The following DPP10 variants were observed in gnomAD, a reference collection of about 807,000 sequenced individuals.
The protein encoded by DPP10 is dipeptidyl peptidase like 10.
Under a neutral mutation model 120.9 loss-of-function variants are expected in DPP10, and 33 were observed. The observed-to-expected ratio is 0.27, with a 90% CI of 0.21 to 0.37. DPP10 has a LOEUF of 0.37. Ranked by LOEUF, DPP10 falls within the 10% of genes least tolerant of loss-of-function variation. DPP10 has a pLI of 1.00. For synonymous variants in DPP10, 337 were observed against 326.1 expected (o/e 1.03, Z -0.36); for missense variants, 816 against 942.8 (o/e 0.87, Z 1.76).
At chr2:115,283,629 T>G (rs2105888100) in intron 1 of DPP10, among the ~76,000 whole-genome samples, 1 of 152,144 alleles carries the variant, frequency 6.6e-6, no homozygotes, top group South Asian at 2.1e-4. Context: ...GTCTGAAAGG[T>G]ATTATTACCA....
intron 1 of DPP10, among the ~76,000 whole-genome samples, chr2:114,702,179 A>T (rs1180314690): frequency 1.3e-5 from 2 of 152,098 alleles, no homozygotes; most frequent in African/African-American, 2.4e-5. Context: ...TCAGAATTTG[A>T]CCTAATTTGT....
intron 1 of DPP10, among the ~76,000 whole-genome samples, chr2:114,450,013 A>AAAAAAATGCAGT (rs1678169901): frequency 6.6e-6 from 1 of 152,108 alleles, no homozygotes; most frequent in African/African-American, 2.4e-5. Flanking sequence ...TTAATTCAGT[A>AAAAAAATGCAGT]AAAAAATGCA....
intron 1 of DPP10, among the ~76,000 whole-genome samples, chr2:114,797,036 G>C (rs944247359): frequency 2.0e-4 from 30 of 152,140 alleles, no homozygotes; most frequent in Non-Finnish European, 3.8e-4. Context: ...GAGGATAAAA[G>C]AGAATGAGAA....
rs180977225 is a variant in DPP10, at chr2:114,711,966, A to C, written c.60+269128A>C. On this transcript the variant is annotated intron_variant, in intron 1 of 25. Transcript: ENST00000410059. ...ATGTAGAATAGAAAGTCAAATTATA[A>C]TAATTATCATCATCAAATATTTATC... is the stretch of plus-strand genomic sequence containing the variant. 3.5e-3 allele frequency among the ~76,000 whole-genome samples: 540 copies of C among 152,120 alleles called. 2 individuals are homozygous for C. Among genetic ancestry groups the C allele is most frequent in the Middle Eastern group, 6.8e-3 (2 of 294 alleles).
rs749834022 is a variant in DPP10 at position 115,343,878 on chromosome 2, T to C, written c.237T>C (p.Phe79=). 1 of 1,612,372 alleles carries C rather than the reference T, an allele frequency of 6.2e-7. No individual in the cohort carries two copies. The highest frequency in any genetic ancestry group is 1.3e-5 in the African/African-American group (1 of 74,832). Residue 79 remains phenylalanine, a synonymous_variant, in exon 3 of 26, where the codon TTT becomes TTC. Transcript: ENST00000410059. ...TGGAAGACCTCTTTAGGAAAGACTT[T>C]GTGCTTCACGATCCAGAGGCTCGGT... The part of the protein sequence containing the change: ...LSLEDLFRKD[F]VLHDPEARWI...
At chr2:115,817,889 C>T (rs1188198850) in intron 21 of DPP10, among the ~76,000 whole-genome samples, 1 of 150,384 alleles carries the variant, frequency 6.6e-6, no homozygotes, top group Non-Finnish European at 1.5e-5. Context: ...TGGTTGAGTT[C>T]ATGAAAAAAA....
intron 1 of DPP10, among the ~76,000 whole-genome samples, chr2:114,835,760 C>T (rs1350430012): frequency 1.3e-5 from 2 of 151,962 alleles, no homozygotes; most frequent in Non-Finnish European, 2.9e-5. Flanking sequence ...TGTCATGTGC[C>T]CAGTAAGTTA....
At chr2:115,791,646 G>T (rs1465494256) in intron 19 of DPP10, among the ~76,000 whole-genome samples, 2 of 152,170 alleles carry the variant, frequency 1.3e-5, no homozygotes, top group East Asian at 3.9e-4. Context: ...CTCAAGCCCT[G>T]CGCTCTTTAT....
At chr2:115,400,640 C>A (rs968392048) in intron 3 of DPP10, among the ~76,000 whole-genome samples, 6 of 152,102 alleles carry the variant, frequency 3.9e-5, no homozygotes, top group African/African-American at 7.2e-5. Flanking sequence ...GTATGTTGAA[C>A]CCTAGTAACT....
At chr2:115,047,196 G>T (rs894040170) in intron 1 of DPP10, among the ~76,000 whole-genome samples, 8 of 152,006 alleles carry the variant, frequency 5.3e-5, no homozygotes, top group African/African-American at 1.9e-4. Context: ...GAAATACGCT[G>T]AATAAATAGA....
At chr2:115,135,996 G>T (rs976773555) in intron 1 of DPP10, among the ~76,000 whole-genome samples, 1 of 152,076 alleles carries the variant, frequency 6.6e-6, no homozygotes, top group Non-Finnish European at 1.5e-5. Context: ...CTTCTGCCAG[G>T]AGAGTTTTTT....
chr2:115,432,379 T>C (rs1003527991), intron 3 of DPP10, among the ~76,000 whole-genome samples: 2 of 152,180 alleles, frequency 1.3e-5, no homozygotes, highest in Non-Finnish European at 1.5e-5. Flanking sequence ...TATTCATGAA[T>C]AGAAAGAGTT....
chr2:114,974,600 G>T (rs1264560305), intron 1 of DPP10, among the ~76,000 whole-genome samples: 1 of 151,770 alleles, frequency 6.6e-6, no homozygotes, highest in Non-Finnish European at 1.5e-5. Flanking sequence ...GTAGAGATGG[G>T]GTTTCCCTAT....
rs139744305 is a variant in DPP10 at position 115,200,988 on chromosome 2, A to G, written c.61-108251A>G. Among the ~76,000 whole-genome samples the G allele has an allele frequency of 6.6e-5, 10 of 152,334 alleles. No homozygotes were observed. In the East Asian group the frequency reaches 1.7e-3, roughly 26 times the overall value. On this transcript the variant is annotated intron_variant, in intron 1 of 25. Transcript: ENST00000410059. Reference sequence around the variant, plus strand: ...GGAAATGGATATTTGGAAACAAGAGAGACTTCCATGTTCCTCAATTCATAG... The same window carrying G: ...GGAAATGGATATTTGGAAACAAGAGGGACTTCCATGTTCCTCAATTCATAG...
In DPP10 at chr2:115,221,798, C is replaced by G. The variant is rs549660606; in HGVS notation, c.61-87441C>G. On this transcript the variant is annotated intron_variant, in intron 1 of 25. Transcript: ENST00000410059. ...TTTTTTTCTATGAGCTAAGAGAAAACCATGGTCTATAAGATATTTCTGGAA... is the reference window on the plus strand; with the variant it reads ...TTTTTTTCTATGAGCTAAGAGAAAAGCATGGTCTATAAGATATTTCTGGAA... 1.2e-3 allele frequency among the ~76,000 whole-genome samples: 161 copies of G among 129,620 alleles called. 1 individual carries two copies. Among genetic ancestry groups the G allele is most frequent in the Non-Finnish European group, 2.0e-3 (126 of 63,602 alleles). 85.0% of individuals were successfully genotyped at this position (129,620 alleles called of 152,430 possible).
chr2:115,411,287 G>T (rs565221745), intron 3 of DPP10, among the ~76,000 whole-genome samples: 1 of 152,126 alleles, frequency 6.6e-6, no homozygotes, highest in Non-Finnish European at 1.5e-5. Context: ...AGCCGAGATT[G>T]CTCCACTGCA....
intron 1 of DPP10, among the ~76,000 whole-genome samples, chr2:114,598,478 G>A (rs1692105076): frequency 6.6e-6 from 1 of 151,892 alleles, no homozygotes; most frequent in Non-Finnish European, 1.5e-5. Flanking sequence ...AGTAGAAGGA[G>A]CACAGTGTCT....
rs540246337 is a variant in DPP10, at chr2:115,025,005, A to G, written c.61-284234A>G. Among the ~76,000 whole-genome samples the G allele has an allele frequency of 1.6e-4, 24 of 151,964 alleles. 1 individual carries two copies. The South Asian group carries it at 4.8e-3, about 30-fold the overall frequency. On this transcript the variant is annotated intron_variant, in intron 1 of 25. Coordinates refer to ENST00000410059, the MANE Select transcript of DPP10 (RefSeq NM_020868.6). ...GATCTTTAACATATACATATATTTT[A>G]ATGCTAGGAACACTTGAATCATTCT...
intron 1 of DPP10, among the ~76,000 whole-genome samples, chr2:114,953,194 G>A (rs1436833559): frequency 6.6e-6 from 1 of 152,036 alleles, no homozygotes. Flanking sequence ...GAGAACTGAA[G>A]GGCATCTTTA....
Sources: gnomAD v4.1 joint callset for allele counts (sites outside exome capture counted in the v4.1 genomes callset) on GRCh38, gnomAD v4.1.1 for gene constraint, MANE v1.5 for transcripts, NCBI Gene and HGNC (gene_info 2026-07-23, HGNC 2026-07-21) for gene names.